Variants in DMRT1 observed in about 807,000 individuals in gnomAD.
DMRT1 encodes the protein doublesex- and mab-3-related transcription factor 1.
DMRT1 carries 7 observed loss-of-function variants against 32.3 expected under a neutral mutation model. That is an observed-to-expected ratio of 0.22 (90% CI 0.12 to 0.41). DMRT1 has a LOEUF of 0.41. DMRT1 is among the 10% of genes least tolerant of loss of function. DMRT1 has a pLI of 1.00. For missense variants in DMRT1, 625 were observed against 500.5 expected, an observed-to-expected ratio of 1.25 and a Z score of -2.37; for synonymous variants, 278 against 206.1, an observed-to-expected ratio of 1.35 and a Z score of -2.99.
intron 3 of DMRT1, among the ~76,000 whole-genome samples, chr9:913,916 C>T (rs563580528): frequency 1.3e-5 from 2 of 151,818 alleles, no homozygotes; most frequent in Non-Finnish European, 2.9e-5. Flanking sequence ...TAAAGGGTTT[C>T]CTTTGGTCTT....
chr9:947,406 T>C (rs998704794), intron 4 of DMRT1, among the ~76,000 whole-genome samples: 4 of 152,212 alleles, frequency 2.6e-5, no homozygotes, highest in African/African-American at 9.7e-5. Flanking sequence ...AAAATGTTAA[T>C]GTGTCTATTA....
intron 4 of DMRT1, among the ~76,000 whole-genome samples, chr9:936,013 G>T (rs1397733425): frequency 6.6e-6 from 1 of 152,158 alleles, no homozygotes; most frequent in Admixed American, 6.5e-5. Flanking sequence ...TTGTAATTCT[G>T]CAACTCTGAG....
intron 3 of DMRT1, among the ~76,000 whole-genome samples, chr9:903,985 T>G (rs1033980463): frequency 3.9e-5 from 6 of 152,230 alleles, no homozygotes; most frequent in Non-Finnish European, 8.8e-5. Context: ...GACTTCAGTG[T>G]GATCTGGGCT....
intron 3 of DMRT1, among the ~76,000 whole-genome samples, chr9:913,762 G>T (rs1192563479): frequency 2.0e-5 from 3 of 152,226 alleles, no homozygotes; most frequent in South Asian, 2.1e-4. Context: ...ACGTGGTGGG[G>T]CATGTCTGTA....
chr9:881,561 G>A (rs1347874794), intron 2 of DMRT1, among the ~76,000 whole-genome samples: 2 of 152,158 alleles, frequency 1.3e-5, no homozygotes, highest in Non-Finnish European at 1.5e-5. Flanking sequence ...CTCCCTACAT[G>A]CTCTAGAGAG....
intron 4 of DMRT1, among the ~76,000 whole-genome samples, chr9:923,200 A>G (rs1488277042): frequency 6.6e-6 from 1 of 152,148 alleles, no homozygotes; most frequent in East Asian, 1.9e-4. Flanking sequence ...GCACCTCCCA[A>G]GTTTGCAGGT....
chr9:860,062 C>T (rs563929897), intron 2 of DMRT1, among the ~76,000 whole-genome samples: 6 of 152,134 alleles, frequency 3.9e-5, no homozygotes, highest in African/African-American at 1.2e-4. Flanking sequence ...TTTGGGAGGC[C>T]GAGGTGGGTG....
At chr9:870,709 C>CTCTTTTTTTTTTTTTTTTTTT (rs1816206857) in intron 2 of DMRT1, among the ~76,000 whole-genome samples, 1 of 69,560 alleles carries the variant, frequency 1.4e-5, no homozygotes, top group African/African-American at 6.6e-5. Context: ...ATTTTCTTGA[C>CTCTTTTTTTTTTTTTTTTTTT]TTTTTTTTTT....
chr9:851,028 C>CAAAAAAAAAAAAAAAA (rs869227462), intron 2 of DMRT1, among the ~76,000 whole-genome samples: 1 of 94,802 alleles, frequency 1.1e-5, no homozygotes, highest in Admixed American at 1.3e-4. Context: ...GACTCTATCT[C>CAAAAAAAAAAAAAAAA]AAAAAAAAAA....
At chr9:849,453 A>G (rs971904954) in intron 2 of DMRT1, among the ~76,000 whole-genome samples, 1 of 152,218 alleles carries the variant, frequency 6.6e-6, no homozygotes, top group Non-Finnish European at 1.5e-5. Flanking sequence ...ATCAGTGTCA[A>G]TGCTGGATGT....
At chr9:857,316 A>AAT (rs1554743515) in intron 2 of DMRT1, among the ~76,000 whole-genome samples, 5 of 151,552 alleles carry the variant, frequency 3.3e-5, no homozygotes, top group Non-Finnish European at 7.4e-5. Flanking sequence ...CAAAAAAAAT[A>AAT]TATATATGTG....
At chr9:964,275 A>G (rs1053927152) in intron 4 of DMRT1, among the ~76,000 whole-genome samples, 1 of 152,166 alleles carries the variant, frequency 6.6e-6, no homozygotes, top group African/African-American at 2.4e-5. Context: ...GATGGCATCA[A>G]AATCATCTTG....
intron 1 of DMRT1, among the ~76,000 whole-genome samples, chr9:845,744 A>G (rs1838876569): frequency 6.7e-6 from 1 of 150,218 alleles, no homozygotes; most frequent in African/African-American, 2.4e-5. Flanking sequence ...CCCAGGAATC[A>G]GGGCTCTGCA....
intron 1 of DMRT1, among the ~76,000 whole-genome samples, chr9:845,630 T>C (rs1400765136): frequency 6.6e-6 from 1 of 152,200 alleles, no homozygotes; most frequent in African/African-American, 2.4e-5. Context: ...ATCACACACC[T>C]GTCTTCTCCC....
intron 1 of DMRT1, 74 bp from the exon 2 acceptor site, chr9:846,886 T>G: frequency 6.4e-7 from 1 of 1,559,536 alleles, no homozygotes; most frequent in East Asian, 2.2e-5. Flanking sequence ...GTGTCTGGGA[T>G]GGGTGGGGCT....
chr9:941,415 T>G (rs1819067698), intron 4 of DMRT1, among the ~76,000 whole-genome samples: 1 of 146,646 alleles, frequency 6.8e-6, no homozygotes, highest in Non-Finnish European at 1.5e-5. Flanking sequence ...GAGGACATTA[T>G]GCTAAGTTAC....
intron 2 of DMRT1, among the ~76,000 whole-genome samples, chr9:855,816 G>C (rs1422875162): frequency 1.3e-5 from 2 of 152,072 alleles, no homozygotes; most frequent in Non-Finnish European, 2.9e-5. Flanking sequence ...TGGGGATCTC[G>C]CTGTGTTGCC....
intron 3 of DMRT1, among the ~76,000 whole-genome samples, chr9:903,028 C>A (rs62530267): frequency 6.6e-6 from 1 of 152,102 alleles, no homozygotes; most frequent in Non-Finnish European, 1.5e-5. Context: ...TGTCATGTTC[C>A]CTGAGTTTGG....
intron 4 of DMRT1, among the ~76,000 whole-genome samples, 194 bp downstream of exon 4, chr9:917,101 G>GT (rs140144138): frequency 2.8e-4 from 42 of 151,976 alleles, no homozygotes; most frequent in Non-Finnish European, 4.6e-4. Flanking sequence ...TTAATATCAT[G>GT]TTTTTTTTCC....
Sources: gnomAD v4.1 joint callset for allele counts (sites outside exome capture counted in the v4.1 genomes callset) on GRCh38, gnomAD v4.1.1 for gene constraint, MANE v1.5 for transcripts, NCBI Gene and HGNC (gene_info 2026-07-23, HGNC 2026-07-21) for gene names.